KIAA1549L: variants seen among roughly 807,000 people sequenced by gnomAD.
KIAA1549L encodes the protein KIAA1549 like, also known as UPF0606 protein KIAA1549L.
In KIAA1549L, 88 loss-of-function variants were observed where a neutral mutation model predicts 160.7. The ratio of observed to expected loss-of-function variants is 0.55; its 90% CI spans 0.46 to 0.65. KIAA1549L has a LOEUF of 0.65. Ranked by LOEUF, KIAA1549L falls within the 30% of genes least tolerant of loss-of-function variation. The pLI, the probability that KIAA1549L is intolerant of heterozygous loss-of-function variation, is 0.00. For missense variants in KIAA1549L, 2,258 were observed against 2,437.5 expected (o/e 0.93, Z 1.55); for synonymous variants, 950 against 976.7 (o/e 0.97, Z 0.51).
At chr11:33,538,766 A>C (rs1291530117) in intron 1 of KIAA1549L, among the ~76,000 whole-genome samples, 5 of 152,346 alleles carry the variant, frequency 3.3e-5, no homozygotes, top group Middle Eastern at 6.8e-3. Flanking sequence ...TAGATATTTT[A>C]CATGTAGATA....
Position 33,543,571 on chromosome 11 carries a change from A to G in KIAA1549L, c.2008A>G (p.Arg670Gly), listed in dbSNP as rs1336509644. 3.7e-6 allele frequency: 6 copies of G among 1,614,056 alleles called. No homozygotes were observed. Among genetic ancestry groups the G allele is most frequent in the Non-Finnish European group, 5.1e-6 (6 of 1,179,902 alleles). Residue 670 changes from arginine to glycine, a missense_variant, in exon 2 of 21, where the codon AGA becomes GGA. Physicochemically the swap from Arg to Gly is moderately radical, Grantham distance 125. This residue lies in a region of KIAA1549L where 287 missense variants were observed against 292.3 expected (regional missense o/e 0.98). Transcript: ENST00000658780. ...GLPASASKQV[R>G]ASPSSMDVYD... is the part of the protein sequence containing the mutation. ...GCCAGCTTCAGCTTCCAAACAGGTG[A>G]GAGCATCGCCCTCCTCCATGGATGT...
chr11:33,668,037 C>A lies in KIAA1549L; in HGVS notation c.6324C>A (p.Asn2108Lys). 6.2e-7 allele frequency: 1 copy of A among 1,614,020 alleles called. No homozygotes were observed. The highest frequency in any genetic ancestry group is 1.1e-5 in the South Asian group (1 of 91,088). ...TAASQQSLAE[N>K]DPSDAPLTNI... ...CCTCGCAGCAGAGCCTGGCAGAAAA[C>A]GACCCGTCTGACGCTCCCCTGACCA... The change falls in exon 21 of 21, where the codon AAC (asparagine) becomes AAA (lysine). Residue 2108 changes from asparagine to lysine, a missense_variant. Physicochemically the swap from Asn to Lys is moderately conservative, Grantham distance 94 (BLOSUM62 0). Transcript: ENST00000658780.
At position 33,543,496 on chromosome 11, in the gene KIAA1549L, T is replaced by C. The variant is rs369628012; in HGVS notation, c.1933T>C (p.Ser645Pro). The change falls in exon 2 of 21, where the codon TCC (serine) becomes CCC (proline). Residue 645 changes from serine to proline, a missense_variant. Around this residue, in one of 6 missense-constraint regions of KIAA1549L, gnomAD observed 11 missense variants for 29.9 expected, o/e 0.37. Coordinates refer to ENST00000658780, the MANE Select transcript of KIAA1549L (RefSeq NM_012194.3). ...TQTVFPSLGF[S>P]STKPEAYAAA... ...GACTGTTTTCCCATCTCTTGGCTTT[T>C]CCAGCACCAAGCCAGAGGCTTATGC... 6.2e-7 allele frequency: 1 copy of C among 1,613,950 alleles called. No homozygotes were observed. Among genetic ancestry groups the C allele is most frequent in the Non-Finnish European group, 8.5e-7 (1 of 1,179,908 alleles).
At chr11:33,532,649 C>T (rs1056300794) in intron 1 of KIAA1549L, among the ~76,000 whole-genome samples, 7 of 152,190 alleles carry the variant, frequency 4.6e-5, no homozygotes, top group Admixed American at 1.3e-4. Context: ...TCAAAAGCTG[C>T]AGATATTTTT....
intron 1 of KIAA1549L, among the ~76,000 whole-genome samples, chr11:33,522,497 T>C (rs1853519487): frequency 6.6e-6 from 1 of 152,182 alleles, no homozygotes; most frequent in African/African-American, 2.4e-5. Context: ...TATCACACAG[T>C]CTTTTTCAGT....
At chr11:33,457,420 T>C (rs1291455874) in intron 1 of KIAA1549L, among the ~76,000 whole-genome samples, 1 of 152,186 alleles carries the variant, frequency 6.6e-6, no homozygotes, top group African/African-American at 2.4e-5. Flanking sequence ...AAATGTGGCC[T>C]TTAACATCCT....
chr11:33,552,214 G>A lies in KIAA1549L; in HGVS notation c.3828G>A (p.Leu1276=), dbSNP rs1854486136. The part of the protein sequence containing the change: ...KAFQDAERKV[L]NTKSNLTIQI... ...TCCAGGATGCCGAGAGGAAAGTCCT[G>A]AATACCAAAAGCAACTTGACAATTC... Residue 1276 remains leucine (L), a synonymous_variant, in exon 6 of 21, where the codon CTG becomes CTA. Coordinates refer to ENST00000658780, the MANE Select transcript of KIAA1549L (RefSeq NM_012194.3). 1.9e-6 allele frequency: 3 copies of A among 1,605,364 alleles called. No individual in the cohort carries two copies. In the South Asian group the frequency reaches 3.4e-5, roughly 18 times the overall value.
intron 1 of KIAA1549L, among the ~76,000 whole-genome samples, chr11:33,428,863 G>A (rs1851173566): frequency 6.6e-6 from 1 of 152,186 alleles, no homozygotes; most frequent in African/African-American, 2.4e-5. Context: ...CTAGATCCTT[G>A]AGGAATTGCC....
intron 11 of KIAA1549L, among the ~76,000 whole-genome samples, chr11:33,585,394 T>C (rs35867834): frequency 0.21 from 31,802 of 152,070 alleles, 3,724 homozygotes; most frequent in East Asian, 0.37. Flanking sequence ...GGCGCACACC[T>C]GTAATCCAAG....
intron 16 of KIAA1549L, 96 bp from the exon 17 acceptor site, chr11:33,645,590 C>G (rs1851695555): frequency 1.1e-6 from 1 of 903,382 alleles, no homozygotes; most frequent in African/African-American, 1.7e-5. Flanking sequence ...CAGATGCATC[C>G]TAGCACCTGT....
intron 1 of KIAA1549L, among the ~76,000 whole-genome samples, chr11:33,537,557 A>G (rs1248813801): frequency 6.6e-6 from 1 of 152,202 alleles, no homozygotes; most frequent in Non-Finnish European, 1.5e-5. Flanking sequence ...AAGCCAGCTC[A>G]TTTGGTTTTC....
chr11:33,406,189 A>AT, intron 1 of KIAA1549L, among the ~76,000 whole-genome samples: 1 of 152,346 alleles, frequency 6.6e-6, no homozygotes, highest in South Asian at 2.1e-4. Context: ...TAACAAAGGC[A>AT]TGTTGCTCCC....
At chr11:33,470,678 C>G (rs990851099) in intron 1 of KIAA1549L, among the ~76,000 whole-genome samples, 3 of 152,098 alleles carry the variant, frequency 2.0e-5, no homozygotes, top group African/African-American at 7.2e-5. Context: ...TGAGTTCAAG[C>G]AATCCACCTG....
At chr11:33,603,632 C>A (rs942937173) in intron 13 of KIAA1549L, among the ~76,000 whole-genome samples, 4 of 152,122 alleles carry the variant, frequency 2.6e-5, no homozygotes, top group African/African-American at 9.6e-5. Flanking sequence ...CATGGTGAAA[C>A]CCCGTCTCTA....
At chr11:33,389,855 C>T (rs1300678042) in intron 1 of KIAA1549L, among the ~76,000 whole-genome samples, 1 of 152,168 alleles carries the variant, frequency 6.6e-6, no homozygotes, top group African/African-American at 2.4e-5. Flanking sequence ...AAAGGTCACA[C>T]ATTGGTCCAG....
In KIAA1549L at chr11:33,510,491, CAAGG is replaced by C. The variant is rs374898728; in HGVS notation, c.239-31310_239-31307del. ...TGTGAGCCACTGTGCATGGCCAGGA[CAAGG>C]TTTGTTTCTAAGACCCCAGGACTGT... On this transcript the variant is annotated intron_variant, in intron 1 of 20. Coordinates refer to ENST00000658780, the MANE Select transcript of KIAA1549L (RefSeq NM_012194.3). 8.5e-4 allele frequency among the ~76,000 whole-genome samples: 130 copies of C among 152,122 alleles called. No homozygotes were observed. In the South Asian group the frequency reaches 0.025, roughly 29 times the overall value.
intron 1 of KIAA1549L, among the ~76,000 whole-genome samples, chr11:33,443,299 C>T (rs1851546659): frequency 6.6e-6 from 1 of 152,048 alleles, no homozygotes; most frequent in African/African-American, 2.4e-5. Flanking sequence ...CATGCTTGGC[C>T]CATTTGCTCT....
chr11:33,667,530 C>A (rs1336672102), intron 20 of KIAA1549L, among the ~76,000 whole-genome samples: 2 of 151,990 alleles, frequency 1.3e-5, no homozygotes, highest in African/African-American at 2.4e-5. Flanking sequence ...GTAGCTGGGA[C>A]TACAGGCGCA....
intron 1 of KIAA1549L, among the ~76,000 whole-genome samples, chr11:33,504,515 TG>T (rs1415084653): frequency 6.6e-6 from 1 of 152,074 alleles, no homozygotes; most frequent in African/African-American, 2.4e-5. Context: ...TTGCCCAGGC[TG>T]GAGCGTAGTG....
Sources: gnomAD v4.1 joint callset for allele counts (sites outside exome capture counted in the v4.1 genomes callset) on GRCh38, gnomAD v4.1.1 for gene constraint, gnomAD v4.1.1 regional missense constraint, MANE v1.5 for transcripts, NCBI Gene and HGNC (gene_info 2026-07-23, HGNC 2026-07-21) for gene names.